Variants in CDH12 observed in about 807,000 individuals in gnomAD.
CDH12 encodes the protein cadherin 12, also known as cadherin-12.
CDH12 carries 41 observed loss-of-function variants against 74.1 expected under a neutral mutation model. The observed-to-expected ratio is 0.55, with a 90% CI of 0.43 to 0.72. The LOEUF (loss-of-function observed/expected upper bound fraction) is 0.72. Among genes scored for constraint, CDH12 ranks in the 30% least tolerant of loss-of-function variants. The pLI is 0.00. For missense variants in CDH12, 945 were observed against 977.2 expected, an observed-to-expected ratio of 0.97 and a Z score of 0.44; for synonymous variants, 399 against 355.0, an observed-to-expected ratio of 1.12 and a Z score of -1.39.
At chr5:22,723,724 A>T (rs528989831) in intron 1 of CDH12, among the ~76,000 whole-genome samples, 1 of 152,184 alleles carries the variant, frequency 6.6e-6, no homozygotes, top group Admixed American at 6.5e-5. Flanking sequence ...CTAAAGATTT[A>T]TTCAGATAAT....
At chr5:22,176,490 T>C (rs887029192) in intron 4 of CDH12, among the ~76,000 whole-genome samples, 5 of 152,084 alleles carry the variant, frequency 3.3e-5, no homozygotes, top group African/African-American at 1.2e-4. Flanking sequence ...CTCACCTAAA[T>C]AAGCCAGCAG....
intron 2 of CDH12, among the ~76,000 whole-genome samples, chr5:22,416,659 T>A (rs936689222): frequency 3.1e-4 from 47 of 151,576 alleles, no homozygotes; most frequent in African/African-American, 1.1e-3. Flanking sequence ...AAGGAATACA[T>A]AAAAAAAATA....
At chr5:22,758,442 A>G (rs1478768087) in intron 1 of CDH12, among the ~76,000 whole-genome samples, 2 of 152,220 alleles carry the variant, frequency 1.3e-5, no homozygotes, top group Non-Finnish European at 2.9e-5. Flanking sequence ...CAAACAAACA[A>G]AAATCATTCC....
intron 1 of CDH12, among the ~76,000 whole-genome samples, chr5:22,611,970 A>T (rs1737426600): frequency 6.6e-6 from 1 of 152,026 alleles, no homozygotes; most frequent in Admixed American, 6.6e-5. Flanking sequence ...CAAAATAGGG[A>T]ATTTGATTTT....
At chr5:22,835,516 G>A (rs1168895085) in intron 1 of CDH12, among the ~76,000 whole-genome samples, 1 of 152,120 alleles carries the variant, frequency 6.6e-6, no homozygotes, top group Non-Finnish European at 1.5e-5. Context: ...ATGGGGGCTA[G>A]ATCAAGGAGA....
chr5:22,020,170 T>C (rs1737876857), intron 5 of CDH12, among the ~76,000 whole-genome samples: 1 of 152,186 alleles, frequency 6.6e-6, no homozygotes, highest in South Asian at 2.1e-4. Context: ...AGACAGGGTA[T>C]GTTAGTTGGC....
Position 22,266,135 on chromosome 5 carries a change from G to A in CDH12, c.-332-53492C>T, listed in dbSNP as rs757003841. On this transcript the variant is annotated intron_variant, in intron 3 of 14. Transcript: ENST00000382254. The stretch of plus-strand genomic sequence containing the variant: ...TTGTCGCTTAAGCTGGAATGCAATG[G>A]CACAATCTCGGCTCACTACAACCTC... 6.5e-4 allele frequency among the ~76,000 whole-genome samples: 99 copies of A among 151,596 alleles called. No individual in the cohort carries two copies. In the Middle Eastern group the frequency reaches 0.01, roughly 16 times the overall value.
chr5:22,382,712 TA>T (rs1308429065), intron 3 of CDH12, among the ~76,000 whole-genome samples: 2 of 152,144 alleles, frequency 1.3e-5, no homozygotes, highest in East Asian at 1.9e-4. Context: ...CCTTTATTTG[TA>T]AATGTAGTAA....
chr5:22,267,411 G>A (rs950138989), intron 3 of CDH12, among the ~76,000 whole-genome samples: 11 of 152,088 alleles, frequency 7.2e-5, no homozygotes, highest in South Asian at 2.1e-4. Context: ...TTTGGTTTAC[G>A]TGATTATGAA....
intron 1 of CDH12, among the ~76,000 whole-genome samples, chr5:22,792,771 T>C (rs1747982116): frequency 6.6e-6 from 1 of 152,210 alleles, no homozygotes; most frequent in Non-Finnish European, 1.5e-5. Flanking sequence ...GGGAGTTGGG[T>C]CATCAGTGTA....
intron 1 of CDH12, among the ~76,000 whole-genome samples, chr5:22,546,656 CAT>C (rs1198487713): frequency 2.0e-5 from 3 of 152,040 alleles, no homozygotes; most frequent in Non-Finnish European, 4.4e-5. Context: ...TACAGTCTGA[CAT>C]GTCAATTTAG....
At chr5:22,686,218 C>A (rs1331498205) in intron 1 of CDH12, among the ~76,000 whole-genome samples, 1 of 151,272 alleles carries the variant, frequency 6.6e-6, no homozygotes, top group Non-Finnish European at 1.5e-5. Flanking sequence ...ATATTTTCAC[C>A]CAGTTTCAAT....
At chr5:22,363,476 A>G (rs1740905240) in intron 3 of CDH12, among the ~76,000 whole-genome samples, 1 of 152,208 alleles carries the variant, frequency 6.6e-6, no homozygotes, top group Admixed American at 6.5e-5. Flanking sequence ...TATGATGCCT[A>G]TTAAACGGCA....
At chr5:21,893,390 T>C (rs1258375509) in intron 6 of CDH12, among the ~76,000 whole-genome samples, 2 of 152,080 alleles carry the variant, frequency 1.3e-5, no homozygotes, top group Non-Finnish European at 2.9e-5. Flanking sequence ...GCATAATGAG[T>C]TCAGAAATTG....
intron 6 of CDH12, among the ~76,000 whole-genome samples, chr5:21,876,264 A>T (rs1751934795): frequency 1.3e-5 from 2 of 152,150 alleles, no homozygotes; most frequent in Non-Finnish European, 2.9e-5. Context: ...TTTCTTCAAC[A>T]TCATTTACTC....
intron 3 of CDH12, among the ~76,000 whole-genome samples, chr5:22,385,040 G>C (rs187978253): frequency 6.6e-6 from 1 of 152,200 alleles, no homozygotes; most frequent in African/African-American, 2.4e-5. Context: ...ATGTCTTTTA[G>C]TAGAGTGAAC....
intron 1 of CDH12, among the ~76,000 whole-genome samples, chr5:22,687,990 G>A (rs1561578134): frequency 6.6e-6 from 1 of 152,002 alleles, no homozygotes; most frequent in Non-Finnish European, 1.5e-5. Context: ...GCCTTGAGAT[G>A]GCCAATTCTG....
intron 2 of CDH12, among the ~76,000 whole-genome samples, chr5:22,446,077 A>C (rs2126551411): frequency 6.6e-6 from 1 of 152,224 alleles, no homozygotes; most frequent in Admixed American, 6.6e-5. Context: ...AGGCAACCCC[A>C]TTCAGGAAAC....
intron 1 of CDH12, among the ~76,000 whole-genome samples, chr5:22,554,061 T>C (rs1004489719): frequency 4.6e-5 from 7 of 152,226 alleles, no homozygotes; most frequent in Admixed American, 4.6e-4. Flanking sequence ...AAGATGACCA[T>C]AAAGTGAGAA....
Sources: allele counts gnomAD v4.1 joint callset (sites outside exome capture counted in the v4.1 genomes callset), GRCh38; gene constraint gnomAD v4.1.1; transcripts MANE v1.5; gene names NCBI Gene and HGNC (gene_info 2026-07-23, HGNC 2026-07-21).